Variants in KIF23 observed in about 807,000 individuals in gnomAD.
KIF23 encodes kinesin family member 23.
KIF23 carries 30 observed loss-of-function variants against 137.5 expected under a neutral mutation model. The observed-to-expected ratio is 0.22, with a 90% confidence interval of 0.16 to 0.30. The LOEUF is 0.30. Ranked by LOEUF, KIF23 falls within the 10% of genes least tolerant of loss-of-function variation. The pLI, the probability that KIF23 is intolerant of heterozygous loss-of-function variation, is 1.00. For synonymous variants in KIF23, 367 were observed against 391.1 expected, an observed-to-expected ratio of 0.94 and a Z score of 0.73; for missense variants, 920 against 1,194.3, an observed-to-expected ratio of 0.77 and a Z score of 3.38.
In KIF23 at chr15:69,414,349, G is replaced by A; in HGVS notation, c.-117G>A. On this transcript the variant is annotated 5_prime_UTR_variant, in exon 1 of 24. Coordinates refer to ENST00000679126, the MANE Select transcript of KIF23 (RefSeq NM_001367805.3). ...GGCTCTTAGCGTCGCCGCCGGCTTC[G>A]CAGAGCACCGCGCCTTAGCCGCGAA... 7.0e-7 allele frequency: 1 copy of A among 1,435,592 alleles called. No homozygotes were observed. The highest frequency in any genetic ancestry group is 1.4e-5 in the African/African-American group (1 of 69,506). 88.9% of individuals were successfully genotyped at this position (1,435,592 alleles called of 1,614,324 possible).
At chr15:69,426,720 G>GAA in intron 10 of KIF23, 1 of 344,764 alleles carries the variant, frequency 2.9e-6, no homozygotes, top group Non-Finnish European at 5.3e-6. Context: ...ACCCTGTCTT[G>GAA]AAAAAAAAAG....
At chr15:69,446,963 G>A (rs1318430785) in intron 23 of KIF23, 22 bp downstream of exon 23, 2 of 1,608,642 alleles carry the variant, frequency 1.2e-6, no homozygotes, top group Admixed American at 1.7e-5. Flanking sequence ...CTGTAATTGG[G>A]GTCTTGCTGT....
At chr15:69,438,460 T>C (rs1334752647) in intron 16 of KIF23, 55 bp downstream of exon 16, 6 of 1,494,232 alleles carry the variant, frequency 4.0e-6, no homozygotes, top group South Asian at 1.3e-5. Flanking sequence ...AGCACTGTTC[T>C]CTGAGGGAGA....
At chr15:69,423,138 A>G (rs1195837456) in intron 6 of KIF23, 21 bp from the exon 7 acceptor site, 2 of 1,465,882 alleles carry the variant, frequency 1.4e-6, no homozygotes, top group Non-Finnish European at 1.9e-6. Context: ...AACGTATACA[A>G]TTGAACTTTT....
chr15:69,438,506 A>G (rs2057536342), intron 16 of KIF23, 101 bp downstream of exon 16: 2 of 1,153,920 alleles, frequency 1.7e-6, no homozygotes, highest in Non-Finnish European at 2.4e-6. Flanking sequence ...GCTGCTTATT[A>G]AGAGTTCTCG....
rs371679001 is a variant in KIF23, at chr15:69,435,629, T to A, written c.1195-23T>A. 58 of 1,613,252 alleles carry A rather than the reference T, an allele frequency of 3.6e-5. No homozygotes were observed. In the African/African-American group the frequency reaches 5.6e-4, roughly 16 times the overall value. ...GTGTGCATTTTTTTTGCGTAACACATTTGGATATGAATGTCTTTGTAGATG... is the reference window on the plus strand; with the variant it reads ...GTGTGCATTTTTTTTGCGTAACACAATTGGATATGAATGTCTTTGTAGATG... On this transcript the variant is annotated intron_variant, in intron 12 of 23. Transcript: ENST00000679126.
rs144824655 is a variant in KIF23, at chr15:69,420,666, A to G, written c.211-981A>G. On this transcript the variant is annotated intron_variant, in intron 3 of 23. Coordinates refer to ENST00000679126, the MANE Select transcript of KIF23 (RefSeq NM_001367805.3). ...CATCAAAACGTGGTATTATGCTGCT[A>G]TGCCATTTTATTTTATATGTCTTTT... Among the ~76,000 whole-genome samples the G allele has an allele frequency of 5.9e-5, 9 of 152,302 alleles. No individual in the cohort carries two copies. The East Asian group carries it at 1.7e-3, about 29-fold the overall frequency.
chr15:69,418,876 G>A (rs1036502289), intron 3 of KIF23, among the ~76,000 whole-genome samples: 16 of 152,168 alleles, frequency 1.1e-4, no homozygotes, highest in African/African-American at 3.9e-4. Flanking sequence ...CAGCACTTTG[G>A]GAGGCCAAGG....
At chr15:69,423,050 C>T (rs1044043840) in intron 6 of KIF23, 109 bp from the exon 7 acceptor site, 7 of 716,064 alleles carry the variant, frequency 9.8e-6, no homozygotes, top group East Asian at 2.9e-5. Flanking sequence ...CCGCCTGCCT[C>T]GGCCTCCCAA....
chr15:69,423,535 G>A (rs965684961), intron 7 of KIF23, among the ~76,000 whole-genome samples: 1 of 152,182 alleles, frequency 6.6e-6, no homozygotes, highest in Non-Finnish European at 1.5e-5. Flanking sequence ...GAACTAGTGG[G>A]TTAAAGCATC....
chr15:69,416,118 C>G, intron 2 of KIF23, 55 bp downstream of exon 2: 1 of 1,160,798 alleles, frequency 8.6e-7, no homozygotes, highest in Non-Finnish European at 1.2e-6. Flanking sequence ...TCTCTTCAGT[C>G]CTTTCTGTCT....
chr15:69,431,073 C>T (rs181065466), intron 11 of KIF23, among the ~76,000 whole-genome samples: 3 of 152,274 alleles, frequency 2.0e-5, no homozygotes, highest in Admixed American at 2.0e-4. Flanking sequence ...TGCCCCAATT[C>T]AGGTAAGCAA....
At chr15:69,433,047 C>A (rs972147426) in intron 11 of KIF23, among the ~76,000 whole-genome samples, 5 of 152,244 alleles carry the variant, frequency 3.3e-5, no homozygotes, top group African/African-American at 1.2e-4. Flanking sequence ...GGTTAAGAAC[C>A]CCTGACCACT....
Position 69,429,120 on chromosome 15 carries a change from C to A in KIF23, c.1021C>A (p.Gln341Lys), listed in dbSNP as rs779491232. 7 of 1,610,032 alleles carry A rather than the reference C, an allele frequency of 4.3e-6. No individual in the cohort carries two copies. The highest frequency in any genetic ancestry group is 5.9e-6 in the Non-Finnish European group (7 of 1,177,696). ...TTTGTGATCTTTTTAGGAAAAAGAA[C>A]AAATCACTATAAGTCAGTTGTCCTT... ...DGDNVLQEKE[Q>K]ITISQLSLVD... Residue 341 changes from glutamine to lysine, a missense_variant, in exon 11 of 24, where the codon CAA becomes AAA. Around this residue, in one of 4 missense-constraint regions of KIF23, gnomAD observed 714 missense variants for 866.2 expected, o/e 0.82. Coordinates refer to ENST00000679126, the MANE Select transcript of KIF23 (RefSeq NM_001367805.3).
chr15:69,419,562 G>T (rs1299746312), intron 3 of KIF23, among the ~76,000 whole-genome samples: 1 of 152,104 alleles, frequency 6.6e-6, no homozygotes. Flanking sequence ...CACCTCCTCG[G>T]GTTGTATAGA....
intron 5 of KIF23, 35 bp downstream of exon 5, chr15:69,422,163 C>T (rs948904102): frequency 1.2e-6 from 2 of 1,608,210 alleles, no homozygotes; most frequent in Admixed American, 3.4e-5. Context: ...GACTATCTTA[C>T]TGGACTAAGA....
chr15:69,419,724 A>G (rs1003433673), intron 3 of KIF23, among the ~76,000 whole-genome samples: 2 of 152,146 alleles, frequency 1.3e-5, no homozygotes, highest in African/African-American at 2.4e-5. Flanking sequence ...TGTACCTTAT[A>G]TGTTCTGTTC....
chr15:69,427,196 G>C (rs1390717072), intron 10 of KIF23, among the ~76,000 whole-genome samples: 1 of 152,082 alleles, frequency 6.6e-6, no homozygotes, highest in Admixed American at 6.6e-5. Flanking sequence ...GATGTGCATA[G>C]GTCATATGAA....
chr15:69,414,465 C>G lies in KIF23; in HGVS notation c.-1C>G. 1 of 1,589,498 alleles carries G rather than the reference C, an allele frequency of 6.3e-7. No homozygotes were observed. Among genetic ancestry groups the G allele is most frequent in the Non-Finnish European group, 8.6e-7 (1 of 1,168,292 alleles). ...GTTTGGGCGGCGTGGAGCCTGCTGC[C>G]ATGAAGTCAGCGTGAGTACGAGGCC... is the stretch of plus-strand genomic sequence containing the variant. On this transcript the variant is annotated 5_prime_UTR_variant, in exon 1 of 24. Transcript: ENST00000679126.
Sources: gnomAD v4.1 joint callset for allele counts (sites outside exome capture counted in the v4.1 genomes callset) on GRCh38, gnomAD v4.1.1 for gene constraint, gnomAD v4.1.1 regional missense constraint, MANE v1.5 for transcripts, NCBI Gene and HGNC (gene_info 2026-07-23, HGNC 2026-07-21) for gene names.